GLIS3: variants seen among roughly 807,000 people sequenced by gnomAD.
The protein encoded by GLIS3 is zinc finger protein GLIS3.
Under a neutral mutation model 78.6 loss-of-function variants are expected in GLIS3, and 53 were observed. The observed-to-expected ratio is 0.67, with a 90% CI of 0.54 to 0.85. GLIS3 has a LOEUF of 0.85. Ranked by LOEUF, GLIS3 falls within the 40% of genes least tolerant of loss-of-function variation. The pLI is 0.00. For missense variants in GLIS3, 1,703 were observed against 1,231.1 expected (o/e 1.38, Z -5.74); for synonymous variants, 684 against 509.9 (o/e 1.34, Z -4.60).
chr9:4,113,252 T>C (rs1193781146), intron 4 of GLIS3, among the ~76,000 whole-genome samples: 2 of 152,168 alleles, frequency 1.3e-5, no homozygotes, highest in Non-Finnish European at 2.9e-5. Context: ...GACTTATCTA[T>C]GGACAGTTAC....
the GLIS3 span, among the ~76,000 whole-genome samples, chr9:4,393,364 T>A: frequency 6.6e-6 from 1 of 152,174 alleles, no homozygotes; most frequent in African/African-American, 2.4e-5. Flanking sequence ...TTTTACTTTT[T>A]TTAAAAAAAT....
chr9:4,219,971 C>G (rs1398821858), intron 2 of GLIS3, among the ~76,000 whole-genome samples: 1 of 152,110 alleles, frequency 6.6e-6, no homozygotes, highest in Non-Finnish European at 1.5e-5. Context: ...ATGGCTGATT[C>G]CAGAGCTAAG....
chr9:4,139,914 A>T (rs943494167), intron 2 of GLIS3, among the ~76,000 whole-genome samples: 8 of 152,184 alleles, frequency 5.3e-5, no homozygotes, highest in Non-Finnish European at 1.2e-4. Context: ...TGACCCATAC[A>T]GGTCCACGGC....
At chr9:3,970,636 A>T (rs1818310629) in intron 4 of GLIS3, among the ~76,000 whole-genome samples, 1 of 152,182 alleles carries the variant, frequency 6.6e-6, no homozygotes, top group Admixed American at 6.6e-5. Context: ...AGTAATGTAG[A>T]GGTTGAGAAG....
chr9:4,305,057 A>G (rs1414804931), upstream of GLIS3, among the ~76,000 whole-genome samples: 1 of 152,152 alleles, frequency 6.6e-6, no homozygotes, highest in Non-Finnish European at 1.5e-5. Context: ...CATTCTCACA[A>G]CATCCGAATC....
At position 4,338,023 on chromosome 9, in the gene GLIS3, G is replaced by GGTGTGTGT. The variant is rs1563937879; in HGVS notation, n.264+9057_264+9058insACACACAC. The stretch of plus-strand genomic sequence containing the variant: ...ATGTCTAACTGGTAAGATTGGCAAG[G>GGTGTGTGT]CTGTGTGTGTGTGTGTGTGTGTGTG... On this transcript the variant is annotated intron_variant and non_coding_transcript_variant, in intron 2 of 4. Transcript: ENST00000471664. Among the ~76,000 whole-genome samples, 5 of 115,706 alleles carry GGTGTGTGT rather than the reference G, an allele frequency of 4.3e-5. No individual in the cohort carries two copies. The South Asian group carries it at 9.7e-4, about 22-fold the overall frequency. The allele number at this position is 115,706 out of a possible 152,430, so 75.9% of individuals were successfully genotyped here. A position where few individuals can be genotyped will look rare whatever the true frequency, so the allele number is the denominator to read the frequency against.
Position 4,125,892 on chromosome 9 carries a change from G to C in GLIS3, c.438C>G (p.Cys146Trp), listed in dbSNP as rs1383472400. 2 of 1,613,748 alleles carry C rather than the reference G, an allele frequency of 1.2e-6. No homozygotes were observed. Among genetic ancestry groups the C allele is most frequent in the Non-Finnish European group, 1.7e-6 (2 of 1,179,944 alleles). Reference protein sequence around the residue: ...PQCKSIGKGSCNNLVVTSSPM... With the variant: ...PQCKSIGKGSWNNLVVTSSPM... ...GACTGCTGGTGACCACTAGATTGTT[G>C]CAGCTGCCTTTTCCAATGGACTTGC... The change falls in exon 3 of 11, where the codon TGC becomes TGG. Residue 146 changes from cysteine (C) to tryptophan (W), a missense_variant. Transcript: ENST00000381971.
intron 2 of GLIS3, among the ~76,000 whole-genome samples, chr9:4,320,469 TCC>T (rs1434755725): frequency 6.6e-6 from 1 of 152,218 alleles, no homozygotes; most frequent in Non-Finnish European, 1.5e-5. Context: ...TAGGGATTTA[TCC>T]TTCACACCTT....
At chr9:4,202,095 G>A (rs1010371973) in intron 2 of GLIS3, among the ~76,000 whole-genome samples, 19 of 151,694 alleles carry the variant, frequency 1.3e-4, no homozygotes, top group East Asian at 1.2e-3. Context: ...CCAAGGTCAC[G>A]CCACTACAGT....
chr9:3,962,015 G>A (rs1190551150), intron 4 of GLIS3, among the ~76,000 whole-genome samples: 1 of 151,880 alleles, frequency 6.6e-6, no homozygotes, highest in African/African-American at 2.4e-5. Context: ...AAACACCCTG[G>A]GCAAAATAGT....
At chr9:3,921,087 T>G (rs1824859295) in intron 6 of GLIS3, among the ~76,000 whole-genome samples, 1 of 152,176 alleles carries the variant, frequency 6.6e-6, no homozygotes, top group Non-Finnish European at 1.5e-5. Flanking sequence ...AAATTGGAGC[T>G]CAAGTTTTGA....
At chr9:3,893,117 G>A (rs1822573142) in intron 7 of GLIS3, among the ~76,000 whole-genome samples, 1 of 152,064 alleles carries the variant, frequency 6.6e-6, no homozygotes, top group African/African-American at 2.4e-5. Context: ...TCCGATAGGA[G>A]AAATAATAAT....
intron 2 of GLIS3, among the ~76,000 whole-genome samples, chr9:4,195,963 C>G (rs988782234): frequency 6.6e-6 from 1 of 151,688 alleles, no homozygotes; most frequent in Non-Finnish European, 1.5e-5. Context: ...CAATCAGCAC[C>G]CTGTGTCTAG....
At chr9:3,851,630 A>G (rs758977784) in intron 9 of GLIS3, among the ~76,000 whole-genome samples, 2 of 152,170 alleles carry the variant, frequency 1.3e-5, no homozygotes, top group African/African-American at 4.8e-5. Context: ...CACAATGTCT[A>G]GGCTCAGTAT....
At chr9:4,344,377 C>T (rs769728357) in intron 2 of GLIS3, among the ~76,000 whole-genome samples, 1 of 152,236 alleles carries the variant, frequency 6.6e-6, no homozygotes, top group Non-Finnish European at 1.5e-5. Context: ...AATTCATCAG[C>T]AGCATTTGGC....
Position 3,826,628 on chromosome 9 carries a change from G to A in GLIS3, c.*1644C>T, listed in dbSNP as rs966420996. The A allele has an allele frequency of 6.6e-6, 1 of 152,186 alleles. No individual in the cohort carries two copies. Among genetic ancestry groups the A allele is most frequent in the Non-Finnish European group, 1.5e-5 (1 of 68,040 alleles). The allele number at this position is 152,186 out of a possible 1,614,324, so 9.4% of individuals were successfully genotyped here. A position where few individuals can be genotyped will look rare whatever the true frequency, so the allele number is the denominator to read the frequency against. ...CATTCACCTCATTCTACTGCATGTTGGAATGAACTCTGGAATCAGGTAGAA... is the reference window on the plus strand; with the variant it reads ...CATTCACCTCATTCTACTGCATGTTAGAATGAACTCTGGAATCAGGTAGAA... On this transcript the variant is annotated 3_prime_UTR_variant, in exon 11 of 11. Coordinates refer to ENST00000381971, the MANE Select transcript of GLIS3 (RefSeq NM_001042413.2).
chr9:4,263,543 A>C (rs540363535), intron 2 of GLIS3, among the ~76,000 whole-genome samples: 95 of 151,914 alleles, frequency 6.3e-4, no homozygotes, highest in Non-Finnish European at 1.2e-3. Context: ...CAGGTTTGTC[A>C]ATTCATTCAT....
intron 3 of GLIS3, 78 bp downstream of exon 3, chr9:4,125,650 GTGTGTA>G (rs1384626542): frequency 1.1e-6 from 1 of 887,502 alleles, no homozygotes; most frequent in East Asian, 2.4e-5. Flanking sequence ...GTGTGTGTGT[GTGTGTA>G]TTCAGAAAGA....
chr9:3,967,073 T>C (rs1415113643), intron 4 of GLIS3, among the ~76,000 whole-genome samples: 1 of 149,632 alleles, frequency 6.7e-6, no homozygotes, highest in African/African-American at 2.5e-5. Context: ...AGGTACATGA[T>C]TGATACTGTA....
Sources: allele counts gnomAD v4.1 joint callset (sites outside exome capture counted in the v4.1 genomes callset), GRCh38; gene constraint gnomAD v4.1.1; transcripts MANE v1.5; gene names NCBI Gene and HGNC (gene_info 2026-07-23, HGNC 2026-07-21).